USP53: variants seen among roughly 807,000 people sequenced by gnomAD.
USP53 encodes the protein ubiquitin specific peptidase 53.
A neutral mutation model predicts 94.9 loss-of-function variants in USP53; 71 were observed. That is an observed-to-expected ratio of 0.75 (90% CI 0.62 to 0.91). The LOEUF is 0.91. USP53 is among the 40% of genes least tolerant of loss of function. The pLI is 0.00. For missense variants in USP53, 1,173 were observed against 1,281.0 expected (o/e 0.92, Z 1.29); for synonymous variants, 375 against 422.7 (o/e 0.89, Z 1.39).
Position 119,239,787 on chromosome 4 carries a change from C to T in USP53, c.28C>T (p.Pro10Ser), listed in dbSNP as rs759401193. 2.5e-6 allele frequency: 4 copies of T among 1,611,396 alleles called. No homozygotes were observed. Among genetic ancestry groups the T allele is most frequent in the Middle Eastern group, 1.6e-4 (1 of 6,068 alleles). The change falls in exon 5 of 19, where the codon CCT becomes TCT. Residue 10 changes from proline (P) to serine (S), a missense_variant. By Grantham distance (74) the Pro-to-Ser change is moderately conservative. Coordinates refer to ENST00000692078, the MANE Select transcript of USP53 (RefSeq NM_001371395.1). ...GGCATGGGTAAAATTCTTACGGAAA[C>T]CTGGTGGCAATCTTGGAAAAGTTTA... is the stretch of plus-strand genomic sequence containing the variant. Reference protein sequence around the residue: MAWVKFLRKPGGNLGKVYQP... With the variant: MAWVKFLRKSGGNLGKVYQP...
chr4:119,237,201 T>C (rs1746877100), intron 4 of USP53, among the ~76,000 whole-genome samples: 1 of 152,224 alleles, frequency 6.6e-6, no homozygotes, highest in African/African-American at 2.4e-5. Context: ...TAAACCATGC[T>C]GTAAACAGAT....
chr4:119,218,253 T>C (rs1410573046), intron 3 of USP53: 8 of 152,196 alleles, frequency 5.3e-5, no homozygotes, highest in African/African-American at 1.4e-4. Flanking sequence ...AAGAGTTCAG[T>C]CTGGGGCTTT....
At chr4:119,291,341 T>C in intron 18 of USP53, 80 bp downstream of exon 18, 1 of 839,668 alleles carries the variant, frequency 1.2e-6, no homozygotes, top group Non-Finnish European at 1.8e-6. Context: ...TATTATTACT[T>C]TGAAAGCAAT....
chr4:119,260,675 C>A, intron 11 of USP53, 22 bp downstream of exon 11: 1 of 1,605,374 alleles, frequency 6.2e-7, no homozygotes, highest in South Asian at 1.1e-5. Context: ...ATTTTCATTC[C>A]CTTCCCTTTT....
Position 119,268,127 on chromosome 4 carries a change from A to T in USP53, c.1136-141A>T, listed in dbSNP as rs1035970350. ...GCTTGCAGTGAGCCGAGATTGCGCCACTGCAGTCCGCAGTCCGGCCTGGGC... is the reference window on the plus strand; with the variant it reads ...GCTTGCAGTGAGCCGAGATTGCGCCTCTGCAGTCCGCAGTCCGGCCTGGGC... On this transcript the variant is annotated intron_variant, in intron 13 of 18. Transcript: ENST00000692078. 3.7e-5 allele frequency: 27 copies of T among 727,616 alleles called. No individual in the cohort carries two copies. In the Admixed American group the frequency reaches 8.7e-4, roughly 23 times the overall value. 45.1% of individuals were successfully genotyped at this position (727,616 alleles called of 1,614,324 possible).
At position 119,267,574 on chromosome 4, in the gene USP53, A is replaced by G. The variant is rs550244141; in HGVS notation, c.1135+92A>G. The G allele has an allele frequency of 2.3e-5, 30 of 1,321,246 alleles. No individual in the cohort carries two copies. The South Asian group carries it at 2.9e-4, about 13-fold the overall frequency. The allele number at this position is 1,321,246 out of a possible 1,614,324, so 81.8% of individuals were successfully genotyped here. On this transcript the variant is annotated intron_variant, in intron 13 of 18. Coordinates refer to ENST00000692078, the MANE Select transcript of USP53 (RefSeq NM_001371395.1). ...TCTGAATATAAAATGAATATAGAGG[A>G]TAATTTCAAATTTGACTTTCAGTAG...
intron 7 of USP53, among the ~76,000 whole-genome samples, chr4:119,255,218 G>A (rs531549030): frequency 1.5e-4 from 23 of 152,294 alleles, no homozygotes; most frequent in Middle Eastern, 3.4e-3. Context: ...GTTCGTTATC[G>A]GAGCTCAAAC....
At chr4:119,252,468 G>GT (rs1443131159) in intron 7 of USP53, among the ~76,000 whole-genome samples, 2 of 152,146 alleles carry the variant, frequency 1.3e-5, no homozygotes, top group African/African-American at 4.8e-5. Context: ...TTGGGAGGGT[G>GT]TATGTGTCCA....
chr4:119,262,191 T>C (rs1214103286), intron 12 of USP53, among the ~76,000 whole-genome samples: 1 of 152,238 alleles, frequency 6.6e-6, no homozygotes, highest in East Asian at 1.9e-4. Context: ...ATTTACTTTT[T>C]TGTGGATGAT....
chr4:119,279,645 G>T (rs988112230), intron 17 of USP53, among the ~76,000 whole-genome samples: 11 of 152,082 alleles, frequency 7.2e-5, no homozygotes, highest in African/African-American at 2.2e-4. Context: ...CGAGCTTCCT[G>T]GCTGCTTTGT....
At chr4:119,224,743 G>A (rs1163743531) in intron 3 of USP53, among the ~76,000 whole-genome samples, 1 of 152,188 alleles carries the variant, frequency 6.6e-6, no homozygotes, top group Non-Finnish European at 1.5e-5. Context: ...CTTGAAAGTT[G>A]AACAAGGGAA....
chr4:119,245,250 C>A, intron 5 of USP53, 87 bp from the exon 6 acceptor site: 1 of 1,284,430 alleles, frequency 7.8e-7, no homozygotes, highest in Non-Finnish European at 1.1e-6. Flanking sequence ...TCGCCTTTTG[C>A]AATTTGTAAA....
chr4:119,238,772 C>T (rs1049299903), intron 4 of USP53, among the ~76,000 whole-genome samples: 3 of 152,030 alleles, frequency 2.0e-5, no homozygotes, highest in African/African-American at 7.3e-5. Context: ...TTTGTTGATA[C>T]CATGGAAATT....
At chr4:119,228,802 C>T (rs907331281) in intron 3 of USP53, among the ~76,000 whole-genome samples, 1 of 152,044 alleles carries the variant, frequency 6.6e-6, no homozygotes, top group Non-Finnish European at 1.5e-5. Context: ...AAATATTGTA[C>T]GTAGGAAAAT....
intron 4 of USP53, among the ~76,000 whole-genome samples, chr4:119,237,948 C>T (rs1747006850): frequency 1.3e-5 from 2 of 152,120 alleles, no homozygotes; most frequent in South Asian, 2.1e-4. Flanking sequence ...TCTCAGCTTT[C>T]GTAGAATTAA....
chr4:119,273,382 A>G (rs1229300887), intron 16 of USP53: 1 of 316,244 alleles, frequency 3.2e-6, no homozygotes, highest in East Asian at 5.4e-5. Context: ...AGCCTAGGGT[A>G]GTAGAAAGAT....
intron 3 of USP53, among the ~76,000 whole-genome samples, chr4:119,230,017 C>T (rs1195321077): frequency 2.6e-5 from 4 of 152,116 alleles, no homozygotes; most frequent in East Asian, 3.9e-4. Flanking sequence ...AACTTGTGCT[C>T]GTTTTTCAAT....
chr4:119,248,825 T>A lies in USP53; in HGVS notation c.315T>A (p.Ser105Arg), dbSNP rs1192070718. 3 of 1,614,112 alleles carry A rather than the reference T, an allele frequency of 1.9e-6. No homozygotes were observed. In the South Asian group the frequency reaches 3.3e-5, roughly 18 times the overall value. ...ACATAAGGCATGCTCTTGCAGAAAGTTTCAAAGATGAGCAGCGATTTCAAC... is the reference window on the plus strand; with the variant it reads ...ACATAAGGCATGCTCTTGCAGAAAGATTCAAAGATGAGCAGCGATTTCAAC... ...SDNIRHALAE[S>R]FKDEQRFQLG... Residue 105 changes from serine (S) to arginine (R), a missense_variant, in exon 7 of 19, where the codon AGT (serine) becomes AGA (arginine). Transcript: ENST00000692078.
intron 18 of USP53, 89 bp downstream of exon 18, chr4:119,291,350 A>G: frequency 1.3e-6 from 1 of 781,654 alleles, no homozygotes; most frequent in Non-Finnish European, 2.0e-6. Context: ...TTTGAAAGCA[A>G]TGGGTCTATA....
Sources: allele counts gnomAD v4.1 joint callset (sites outside exome capture counted in the v4.1 genomes callset), GRCh38; gene constraint gnomAD v4.1.1; transcripts MANE v1.5; gene names NCBI Gene and HGNC (gene_info 2026-07-23, HGNC 2026-07-21).